KY: variants seen among roughly 807,000 people sequenced by gnomAD.
The protein encoded by KY is kyphoscoliosis peptidase.
A neutral mutation model predicts 76.1 loss-of-function variants in KY; 43 were observed. That is an observed-to-expected ratio of 0.57 (90% CI 0.44 to 0.73). The LOEUF is 0.73. Ranked by LOEUF, KY falls within the 30% of genes least tolerant of loss-of-function variation. The pLI is 0.00. For synonymous variants in KY, 277 were observed against 326.2 expected (o/e 0.85, Z 1.63); for missense variants, 722 against 828.9 (o/e 0.87, Z 1.58).
intron 8 of KY, among the ~76,000 whole-genome samples, chr3:134,618,046 C>T (rs1961892897): frequency 6.6e-6 from 1 of 152,120 alleles, no homozygotes; most frequent in African/African-American, 2.4e-5. Flanking sequence ...ATTCTGTACC[C>T]TGACCCACCG....
At chr3:134,628,343 T>C (rs1560124997) in intron 4 of KY, among the ~76,000 whole-genome samples, 1 of 152,196 alleles carries the variant, frequency 6.6e-6, no homozygotes, top group Non-Finnish European at 1.5e-5. Flanking sequence ...AAAGGCAGAA[T>C]TGTAGCCAAT....
intron 10 of KY, chr3:134,608,172 T>C: frequency 8.6e-7 from 1 of 1,168,046 alleles, no homozygotes; most frequent in East Asian, 6.0e-5. Flanking sequence ...ATGTATTCTC[T>C]CCAGCAGGAG....
chr3:134,624,986 G>T, intron 6 of KY, 67 bp downstream of exon 6: 2 of 1,391,422 alleles, frequency 1.4e-6, no homozygotes, highest in East Asian at 2.5e-5. Context: ...CTGGGGAGAG[G>T]TTTTGCTGCC....
At chr3:134,623,067 G>A (rs1171828884) in intron 6 of KY, among the ~76,000 whole-genome samples, 12 of 152,178 alleles carry the variant, frequency 7.9e-5, no homozygotes, top group South Asian at 2.1e-4. Flanking sequence ...CCAGGGCCCC[G>A]AATGGTACTC....
chr3:134,617,104 T>G (rs1422297267), intron 8 of KY, among the ~76,000 whole-genome samples: 6 of 152,168 alleles, frequency 3.9e-5, no homozygotes, highest in African/African-American at 1.4e-4. Flanking sequence ...GCGATACCAC[T>G]CTAAGTGGTA....
chr3:134,622,877 CT>C (rs1962879982), intron 6 of KY, among the ~76,000 whole-genome samples: 1 of 152,150 alleles, frequency 6.6e-6, no homozygotes, highest in Non-Finnish European at 1.5e-5. Flanking sequence ...TTGTTTTTAG[CT>C]GGAAACATCT....
At chr3:134,645,523 A>T (rs1966332619) in intron 2 of KY, among the ~76,000 whole-genome samples, 1 of 152,268 alleles carries the variant, frequency 6.6e-6, no homozygotes. Flanking sequence ...AGAAAAGGTC[A>T]GCTTCAATAC....
chr3:134,625,183 G>T, intron 5 of KY, 48 bp from the exon 6 acceptor site: 1 of 1,466,622 alleles, frequency 6.8e-7, no homozygotes, highest in South Asian at 1.2e-5. Context: ...CACTGAAGAG[G>T]GCTGCCTGGC....
rs903207454 is a variant in KY, at chr3:134,608,215, C to T, written c.1090+434G>A. On this transcript the variant is annotated intron_variant, in intron 10 of 10. Coordinates refer to ENST00000423778, the MANE Select transcript of KY (RefSeq NM_178554.6). ...AGAGAACACAGCAGGCCAGTAGCTT[C>T]TGTTGGGGACCTGAGCCCAGAGGCT... 13 of 1,185,212 alleles carry T rather than the reference C, an allele frequency of 1.1e-5. No homozygotes were observed. The African/African-American group carries it at 2.1e-4, about 19-fold the overall frequency. The allele number at this position is 1,185,212 out of a possible 1,614,324, so 73.4% of individuals were successfully genotyped here.
rs146521784 is a variant in KY, at chr3:134,605,378, G to A, written c.1091-904C>T. 3.3e-4 allele frequency among the ~76,000 whole-genome samples: 50 copies of A among 152,290 alleles called. 1 individual carries two copies. The East Asian group carries it at 9.5e-3, about 29-fold the overall frequency. ...TTCACAGTTGAGTGCAAAGGAAGGAGAGAGGCTGTCTGATCCATGTCCCTA... is the reference window on the plus strand; with the variant it reads ...TTCACAGTTGAGTGCAAAGGAAGGAAAGAGGCTGTCTGATCCATGTCCCTA... On this transcript the variant is annotated intron_variant, in intron 10 of 10. Transcript: ENST00000423778.
chr3:134,640,106 A>G (rs1311828032), intron 3 of KY, among the ~76,000 whole-genome samples: 1 of 151,702 alleles, frequency 6.6e-6, no homozygotes, highest in East Asian at 1.9e-4. Flanking sequence ...TTCCTTTGCC[A>G]CCTGTTGCAT....
chr3:134,650,535 C>T (rs950984214), intron 1 of KY, among the ~76,000 whole-genome samples: 3 of 152,210 alleles, frequency 2.0e-5, no homozygotes, highest in African/African-American at 7.2e-5. Flanking sequence ...TGCTCTACAC[C>T]CGTTAGGGAG....
intron 1 of KY, among the ~76,000 whole-genome samples, chr3:134,648,767 C>T (rs952697680): frequency 1.3e-5 from 2 of 152,120 alleles, no homozygotes; most frequent in African/African-American, 2.4e-5. Context: ...AAGGGCCACT[C>T]GTTACGGATT....
chr3:134,609,787 G>T (rs915058601), intron 9 of KY, among the ~76,000 whole-genome samples: 6 of 152,196 alleles, frequency 3.9e-5, no homozygotes, highest in African/African-American at 1.4e-4. Context: ...GAAGGAGCCT[G>T]GTGTCTGGGC....
intron 8 of KY, among the ~76,000 whole-genome samples, chr3:134,612,333 G>A (rs1309565451): frequency 1.3e-5 from 2 of 152,190 alleles, no homozygotes; most frequent in Non-Finnish European, 2.9e-5. Flanking sequence ...GCCACTCCAG[G>A]GCAGAAGGAG....
chr3:134,616,208 A>G (rs759652248), intron 8 of KY, among the ~76,000 whole-genome samples: 1 of 152,250 alleles, frequency 6.6e-6, no homozygotes, highest in Non-Finnish European at 1.5e-5. Flanking sequence ...AGCAGTTACA[A>G]GCTATAGCAT....
At chr3:134,615,349 CTTTTTTTTTTT>C (rs35886668) in intron 8 of KY, 2 of 96,156 alleles carry the variant, frequency 2.1e-5, no homozygotes, top group African/African-American at 4.0e-5. Context: ...GTTCAAGAAG[CTTTTTTTTTTT>C]TTTTTTTTTT....
At chr3:134,635,159 T>C (rs1228763183) in intron 3 of KY, among the ~76,000 whole-genome samples, 1 of 152,170 alleles carries the variant, frequency 6.6e-6, no homozygotes, top group Non-Finnish European at 1.5e-5. Context: ...TAAACGTCCT[T>C]CAATGAGTGA....
chr3:134,608,868 C>T (rs373566847), intron 9 of KY, 29 bp from the exon 10 acceptor site: 5 of 1,583,314 alleles, frequency 3.2e-6, no homozygotes, highest in Middle Eastern at 1.8e-4. Flanking sequence ...GGTTAGCAGC[C>T]AGCTCCATGC....
Sources: gnomAD v4.1 joint callset for allele counts (sites outside exome capture counted in the v4.1 genomes callset) on GRCh38, gnomAD v4.1.1 for gene constraint, MANE v1.5 for transcripts, NCBI Gene and HGNC (gene_info 2026-07-23, HGNC 2026-07-21) for gene names.